Variants in ENTREP1 observed in about 807,000 individuals in gnomAD.
ENTREP1 encodes endosomal transmembrane epsin interactor 1, also known as Friedreich ataxia region gene X123.
chr9:69,373,925 C>T, the ENTREP1 span, among the ~76,000 whole-genome samples: 1 of 152,122 alleles, frequency 6.6e-6, no homozygotes, highest in African/African-American at 2.4e-5. Context: ...ATACTCCAAA[C>T]AATTTCTATA....
the ENTREP1 span, among the ~76,000 whole-genome samples, chr9:69,349,088 G>A: frequency 1.3e-5 from 2 of 151,478 alleles, no homozygotes; most frequent in African/African-American, 4.8e-5. Context: ...GAAGGCTGAG[G>A]CAGGGGAATC....
chr9:69,362,935 T>C, the ENTREP1 span, among the ~76,000 whole-genome samples: 1 of 152,206 alleles, frequency 6.6e-6, no homozygotes, highest in African/African-American at 2.4e-5. Context: ...GACAGCCTAT[T>C]GTGGGACCTT....
At chr9:69,367,798 T>A in the ENTREP1 span, among the ~76,000 whole-genome samples, 2 of 102,150 alleles carry the variant, frequency 2.0e-5, no homozygotes, top group Admixed American at 1.1e-4. Flanking sequence ...CACATATATA[T>A]AAATATATAT....
chr9:69,368,197 TC>T, the ENTREP1 span, among the ~76,000 whole-genome samples: 1 of 152,050 alleles, frequency 6.6e-6, no homozygotes, highest in African/African-American at 2.4e-5. Flanking sequence ...TCTTTCTCTT[TC>T]CCGATTGCTC....
At chr9:69,343,797 G>A in the ENTREP1 span, among the ~76,000 whole-genome samples, 1 of 152,142 alleles carries the variant, frequency 6.6e-6, no homozygotes, top group Admixed American at 6.5e-5. Flanking sequence ...AGCAAAATCA[G>A]TTGGGTGTTG....
At chr9:69,344,755 A>C in the ENTREP1 span, among the ~76,000 whole-genome samples, 5 of 152,304 alleles carry the variant, frequency 3.3e-5, no homozygotes, top group East Asian at 9.7e-4. Flanking sequence ...TATTGGGCAA[A>C]GGAGGCAGCT....
At chr9:69,365,489 T>C in the ENTREP1 span, among the ~76,000 whole-genome samples, 5 of 152,192 alleles carry the variant, frequency 3.3e-5, no homozygotes, top group Non-Finnish European at 7.3e-5. Flanking sequence ...AGGATATCCC[T>C]CACCTTGAGT....
chr9:69,348,340 G>A, the ENTREP1 span, among the ~76,000 whole-genome samples: 6 of 152,042 alleles, frequency 3.9e-5, no homozygotes, highest in Admixed American at 2.6e-4. Context: ...GGCTGGTCTC[G>A]AACTCCTGAG....
the ENTREP1 span, among the ~76,000 whole-genome samples, chr9:69,343,503 C>T: frequency 6.6e-6 from 1 of 152,086 alleles, no homozygotes; most frequent in Non-Finnish European, 1.5e-5. Flanking sequence ...TGAAGTGGCA[C>T]CGTCGCAGCT....
the ENTREP1 span, chr9:69,381,284 C>T: frequency 6.6e-6 from 1 of 152,188 alleles, no homozygotes; most frequent in Non-Finnish European, 1.5e-5. Context: ...CCTCATTCAC[C>T]TTCGTTGTCA....
chr9:69,367,651 A>G, the ENTREP1 span, among the ~76,000 whole-genome samples: 3 of 100,076 alleles, frequency 3.0e-5, no homozygotes, highest in Admixed American at 2.5e-4. Context: ...ACACACATAT[A>G]TATAAATATA....
chr9:69,330,680 T>A, the ENTREP1 span, among the ~76,000 whole-genome samples: 1 of 152,254 alleles, frequency 6.6e-6, no homozygotes, highest in Non-Finnish European at 1.5e-5. Context: ...TTAAGGGATA[T>A]TTAAACTATA....
chr9:69,357,205 C>T, the ENTREP1 span, among the ~76,000 whole-genome samples: 3 of 151,904 alleles, frequency 2.0e-5, no homozygotes, highest in South Asian at 6.2e-4. Flanking sequence ...TTGCTGTTCA[C>T]AAGAGGCTTG....
the ENTREP1 span, among the ~76,000 whole-genome samples, chr9:69,367,604 T>TATATATATACACACACATATATATAA: frequency 1.3e-3 from 173 of 134,710 alleles, 6 homozygotes; most frequent in African/African-American, 3.9e-3. Context: ...GTGTTTTATA[T>TATATATATACACACACATATATATAA]ATATATATAT....
chr9:69,362,435 A>G, the ENTREP1 span, among the ~76,000 whole-genome samples: 1 of 152,204 alleles, frequency 6.6e-6, no homozygotes, highest in Admixed American at 6.5e-5. Context: ...ATTACCAGAG[A>G]TCAGAGCTGA....
At chr9:69,333,637 C>T in the ENTREP1 span, among the ~76,000 whole-genome samples, 1 of 152,136 alleles carries the variant, frequency 6.6e-6, no homozygotes, top group African/African-American at 2.4e-5. Flanking sequence ...AAATACATTC[C>T]AAAAAGCTGA....
At chr9:69,366,254 AT>A in the ENTREP1 span, among the ~76,000 whole-genome samples, 1 of 151,902 alleles carries the variant, frequency 6.6e-6, no homozygotes, top group Non-Finnish European at 1.5e-5. Context: ...TGTGGTTTTG[AT>A]TTGTATTTCC....
the ENTREP1 span, among the ~76,000 whole-genome samples, chr9:69,378,143 AC>A: frequency 6.6e-6 from 1 of 152,160 alleles, no homozygotes; most frequent in African/African-American, 2.4e-5. Flanking sequence ...GGAAACTGAC[AC>A]CCAGGGAGAT....
At chr9:69,381,209 A>G in the ENTREP1 span, 4 of 152,178 alleles carry the variant, frequency 2.6e-5, no homozygotes, top group African/African-American at 7.2e-5. Context: ...TGAAAGAGCC[A>G]GGCTCTAGAG....
Sources: gnomAD v4.1 joint callset for allele counts (sites outside exome capture counted in the v4.1 genomes callset) on GRCh38, gnomAD v4.1.1 for gene constraint, MANE v1.5 for transcripts, NCBI Gene and HGNC (gene_info 2026-07-23, HGNC 2026-07-21) for gene names.